Variants in PRDM2 observed in about 807,000 individuals in gnomAD.
PRDM2 encodes the protein PR domain zinc finger protein 2.
PRDM2 carries 30 observed loss-of-function variants against 130.0 expected under a neutral mutation model. The ratio of observed to expected loss-of-function variants is 0.23; its 90% CI spans 0.17 to 0.31. PRDM2 has a LOEUF of 0.31. Among genes scored for constraint, PRDM2 ranks in the 10% least tolerant of loss-of-function variants. The pLI is 1.00. For synonymous variants in PRDM2, 871 were observed against 782.4 expected, an observed-to-expected ratio of 1.11 and a Z score of -1.89; for missense variants, 2,011 against 2,108.4, an observed-to-expected ratio of 0.95 and a Z score of 0.90.
intron 8 of PRDM2, among the ~76,000 whole-genome samples, chr1:13,809,703 G>A (rs987503881): frequency 1.6e-4 from 24 of 152,206 alleles, no homozygotes; most frequent in Non-Finnish European, 2.9e-4. Flanking sequence ...GCATCGCCTA[G>A]GGAGGGAGTC....
chr1:13,723,755 G>A (rs1282797449), intron 2 of PRDM2, among the ~76,000 whole-genome samples: 1 of 152,144 alleles, frequency 6.6e-6, no homozygotes, highest in African/African-American at 2.4e-5. Flanking sequence ...TGGACTCCAT[G>A]GCCAGCTGGG....
At chr1:13,705,162 G>A in intron 1 of PRDM2, 1 of 152,162 alleles carries the variant, frequency 6.6e-6, no homozygotes, top group East Asian at 1.9e-4. Context: ...TTTCGGCTAT[G>A]GTGGGGGTAG....
chr1:13,728,322 A>G (rs1224139346), intron 2 of PRDM2, among the ~76,000 whole-genome samples: 1 of 152,224 alleles, frequency 6.6e-6, no homozygotes, highest in Non-Finnish European at 1.5e-5. Flanking sequence ...AGCTATACAA[A>G]TAAGCATTTA....
At chr1:13,820,211 G>C (rs1051926206) in intron 9 of PRDM2, among the ~76,000 whole-genome samples, 21 of 152,156 alleles carry the variant, frequency 1.4e-4, no homozygotes, top group African/African-American at 5.1e-4. Flanking sequence ...AAAAAGGATG[G>C]CCTTCTCGAA....
chr1:13,729,775 C>T (rs1049101358), intron 2 of PRDM2, among the ~76,000 whole-genome samples: 5 of 152,198 alleles, frequency 3.3e-5, no homozygotes, highest in South Asian at 2.1e-4. Context: ...TCAGTTGGCT[C>T]GGCTCTGCAC....
chr1:13,773,192 A>G lies in PRDM2; in HGVS notation c.622+4A>G. ...AATATGAGAGATTCTGCAGAAGGTA[A>G]GCTTGTGATATTGGCTTGGTCTGAA... On this transcript the variant is annotated splice_donor_region_variant and intron_variant, in intron 7 of 9. Coordinates refer to ENST00000311066, the MANE Select transcript of PRDM2 (RefSeq NM_001393986.1). The G allele has an allele frequency of 6.6e-7, 1 of 1,519,538 alleles. No individual in the cohort carries two copies. The highest frequency in any genetic ancestry group is 8.9e-7 in the Non-Finnish European group (1 of 1,129,594). 94.1% of individuals were successfully genotyped at this position (1,519,538 alleles called of 1,614,324 possible).
rs868404349 is a variant in PRDM2, at chr1:13,779,053, C to T, written c.1258C>T (p.Pro420Ser). 6.2e-7 allele frequency: 1 copy of T among 1,614,164 alleles called. No homozygotes were observed. Among genetic ancestry groups the T allele is most frequent in the East Asian group, 2.2e-5 (1 of 44,878 alleles). Residue 420 changes from proline (P) to serine (S), a missense_variant, in exon 8 of 10, where the codon CCC becomes TCC. Physicochemically the swap from Pro to Ser is moderately conservative, Grantham distance 74 (BLOSUM62 -1). This residue lies in a region of PRDM2 where 1,288 missense variants were observed against 1,237.7 expected (regional missense o/e 1.04). Transcript: ENST00000311066. This position sits in a 1 kb window ranked among gnomAD's most constrained non-coding sequence, Gnocchi z 4.9. The stretch of plus-strand genomic sequence containing the variant: ...CCATGAAGCAGGGTTAAAGCGGAAA[C>T]CCAGCCAAACACTACAGCCGTCAGA... Reference protein sequence around the residue: ...RRHEAGLKRKPSQTLQPSEDL... With the variant: ...RRHEAGLKRKSSQTLQPSEDL...
intron 5 of PRDM2, 148 bp downstream of exon 5, chr1:13,742,305 G>C: frequency 3.4e-6 from 3 of 886,308 alleles, no homozygotes; most frequent in Non-Finnish European, 5.1e-6. Flanking sequence ...AGCCTTGGGC[G>C]ATCCTCGGAC....
chr1:13,759,093 G>GC (rs1387802634), intron 6 of PRDM2, among the ~76,000 whole-genome samples: 1 of 151,764 alleles, frequency 6.6e-6, no homozygotes, highest in East Asian at 1.9e-4. Context: ...CAGTTATGGA[G>GC]AGTAGCAAAG....
At chr1:13,723,065 T>C (rs555555161) in intron 2 of PRDM2, among the ~76,000 whole-genome samples, 1 of 152,322 alleles carries the variant, frequency 6.6e-6, no homozygotes, top group East Asian at 1.9e-4. Context: ...TTCCCGTCTC[T>C]ATTCTGGTGC....
intron 4 of PRDM2, among the ~76,000 whole-genome samples, chr1:13,737,587 A>G (rs1041083172): frequency 6.6e-6 from 1 of 152,342 alleles, no homozygotes; most frequent in Non-Finnish European, 1.5e-5. Flanking sequence ...ATAGCAGTGC[A>G]TAGGTTTTGA....
intron 6 of PRDM2, among the ~76,000 whole-genome samples, chr1:13,760,383 C>T (rs1252647302): frequency 6.6e-6 from 1 of 151,506 alleles, no homozygotes; most frequent in Non-Finnish European, 1.5e-5. Flanking sequence ...GAATATACTG[C>T]TTGGGCTTCA....
intron 5 of PRDM2, among the ~76,000 whole-genome samples, chr1:13,746,915 C>T (rs1042211408): frequency 2.0e-5 from 3 of 152,308 alleles, no homozygotes; most frequent in Admixed American, 1.3e-4. Flanking sequence ...TAACACTTCA[C>T]CAGTGCTAGA....
intron 2 of PRDM2, among the ~76,000 whole-genome samples, chr1:13,720,523 A>G (rs1326777893): frequency 3.9e-5 from 6 of 152,174 alleles, no homozygotes; most frequent in African/African-American, 1.2e-4. Flanking sequence ...GGTTTTGAGG[A>G]GAGGGCTGTT....
chr1:13,781,385 A>G lies in PRDM2; in HGVS notation c.3590A>G (p.Lys1197Arg). The part of the protein sequence containing the change: ...VGNIFVCSVC[K>R]KEFAFLCNLQ... ...AATATCTTTGTGTGTTCTGTTTGTA[A>G]AAAAGAATTTGCTTTTTTGTGCAAT... The change falls in exon 8 of 10, where the codon AAA (lysine) becomes AGA (arginine). Residue 1197 changes from lysine to arginine, a missense_variant. By Grantham distance (26) the Lys-to-Arg change is conservative. This residue lies in a region of PRDM2 where 229 missense variants were observed against 364.1 expected (regional missense o/e 0.63). Transcript: ENST00000311066. This position sits in a 1 kb window ranked among gnomAD's most constrained non-coding sequence, Gnocchi z 6.1. 16 of 1,614,116 alleles carry G rather than the reference A, an allele frequency of 9.9e-6. No individual in the cohort carries two copies. Among genetic ancestry groups the G allele is most frequent in the Non-Finnish European group, 1.4e-5 (16 of 1,180,024 alleles).
At chr1:13,790,926 C>CT (rs937706090) in intron 8 of PRDM2, among the ~76,000 whole-genome samples, 3 of 152,146 alleles carry the variant, frequency 2.0e-5, no homozygotes, top group African/African-American at 7.2e-5. Flanking sequence ...CCAATGCCTG[C>CT]TGTTTGCTGG....
At chr1:13,766,895 A>G (rs1022069083) in intron 6 of PRDM2, among the ~76,000 whole-genome samples, 11 of 152,222 alleles carry the variant, frequency 7.2e-5, no homozygotes, top group African/African-American at 2.7e-4. Context: ...AGAATTTTGC[A>G]TTCTCTCTAC....
intron 6 of PRDM2, among the ~76,000 whole-genome samples, chr1:13,772,798 A>G (rs1644387149): frequency 1.3e-5 from 2 of 152,192 alleles, no homozygotes; most frequent in African/African-American, 2.4e-5. Context: ...GATAGTCATT[A>G]TAGCTATGAA....
intron 1 of PRDM2, among the ~76,000 whole-genome samples, chr1:13,714,042 G>A (rs2100410819): frequency 6.6e-6 from 1 of 152,194 alleles, no homozygotes; most frequent in Middle Eastern, 3.4e-3. Flanking sequence ...CTAATTTTTT[G>A]TATTTTTTAG....
Sources: gnomAD v4.1 joint callset for allele counts (sites outside exome capture counted in the v4.1 genomes callset) on GRCh38, gnomAD v4.1.1 for gene constraint, gnomAD v4.1.1 regional missense constraint, Gnocchi (gnomAD v3.1) non-coding constraint, MANE v1.5 for transcripts, NCBI Gene and HGNC (gene_info 2026-07-23, HGNC 2026-07-21) for gene names.